PARP9: variants seen among roughly 807,000 people sequenced by gnomAD.
PARP9 encodes the protein poly(ADP-ribose) polymerase family member 9, also known as protein mono-ADP-ribosyltransferase PARP9.
A neutral mutation model predicts 68.8 loss-of-function variants in PARP9; 48 were observed. The observed-to-expected ratio is 0.70, with a 90% CI of 0.55 to 0.89. The LOEUF is 0.89. Ranked by LOEUF, PARP9 falls within the 40% of genes least tolerant of loss-of-function variation. The probability of loss-of-function intolerance (pLI) is 0.00; values close to 1 mark genes in which losing one functional copy is unlikely to be tolerated. For missense variants in PARP9, 806 were observed against 969.3 expected, an observed-to-expected ratio of 0.83 and a Z score of 2.24; for synonymous variants, 309 against 333.8, an observed-to-expected ratio of 0.93 and a Z score of 0.81.
intron 10 of PARP9, chr3:122,533,241 GCCTTAGGAAA>G (rs957853692): frequency 1.3e-4 from 20 of 152,334 alleles, no homozygotes; most frequent in African/African-American, 4.8e-4. Context: ...TAATGTTTCA[GCCTTAGGAAA>G]CCTGGTAGGT....
At chr3:122,537,731 AT>A (rs1355400381) in intron 8 of PARP9, among the ~76,000 whole-genome samples, 5 of 152,106 alleles carry the variant, frequency 3.3e-5, no homozygotes, top group Non-Finnish European at 7.4e-5. Context: ...AAATTTGGAG[AT>A]TAAGAGTCTA....
chr3:122,559,421 A>G, intron 2 of PARP9, among the ~76,000 whole-genome samples, 185 bp downstream of exon 2: 1 of 152,268 alleles, frequency 6.6e-6, no homozygotes. Context: ...GACACTATTT[A>G]TTAGATTAGC....
At chr3:122,531,740 C>G (rs1230050727) in intron 10 of PARP9, 1 of 151,694 alleles carries the variant, frequency 6.6e-6, no homozygotes, top group East Asian at 1.9e-4. Context: ...GCTTTTTGAA[C>G]CAAAAGCTAA....
intron 1 of PARP9, among the ~76,000 whole-genome samples, chr3:122,561,150 TC>T (rs1255364993): frequency 6.6e-6 from 1 of 152,134 alleles, no homozygotes; most frequent in African/African-American, 2.4e-5. Context: ...CCTGCCTCAT[TC>T]CCAGCACCCT....
At position 122,537,192 on chromosome 3, in the gene PARP9, C is replaced by T. The variant is rs982803157; in HGVS notation, c.1766-119G>A. On this transcript the variant is annotated intron_variant, in intron 8 of 10. Transcript: ENST00000682323. ...ATTAGCCAGTTTAAATTGTGTGCCT[C>T]ATGTGTTTAGGACATGCGAGGAGAG... The T allele has an allele frequency of 2.4e-5, 26 of 1,097,232 alleles. No homozygotes were observed. The African/African-American group carries it at 3.8e-4, about 16-fold the overall frequency. 68.0% of individuals were successfully genotyped at this position (1,097,232 alleles called of 1,614,324 possible).
chr3:122,530,237 A>G (rs1227097033), intron 10 of PARP9, among the ~76,000 whole-genome samples: 1 of 152,004 alleles, frequency 6.6e-6, no homozygotes, highest in Non-Finnish European at 1.5e-5. Flanking sequence ...AATGTGGAGT[A>G]TATAAAATGA....
rs376762636 is a variant in PARP9, at chr3:122,540,429, A to G, written c.1765+43T>C. ...CACGCTCACACCCAAAAGAAGAAAC[A>G]ATGGGGAGAATTTACTTTCTAATTT... On this transcript the variant is annotated intron_variant, in intron 8 of 10. Coordinates refer to ENST00000682323, the MANE Select transcript of PARP9 (RefSeq NM_001146105.2). 2.4e-4 allele frequency: 391 copies of G among 1,599,898 alleles called. 2 individuals carry two copies. The highest frequency in any genetic ancestry group is 3.3e-4 in the Non-Finnish European group (384 of 1,173,130).
At position 122,528,254 on chromosome 3, in the gene PARP9, T is replaced by C; in HGVS notation, c.*110A>G. 1.5e-6 allele frequency: 2 copies of C among 1,375,722 alleles called. No homozygotes were observed. The allele number at this position is 1,375,722 out of a possible 1,614,324, so 85.2% of individuals were successfully genotyped here. On this transcript the variant is annotated 3_prime_UTR_variant, in exon 11 of 11. Transcript: ENST00000682323. Reference sequence around the variant, plus strand: ...TCCTTTCAATAACCCAGTCAGTCCATACAGATAACCCATGGGATATATTCA... The same window carrying C: ...TCCTTTCAATAACCCAGTCAGTCCACACAGATAACCCATGGGATATATTCA...
At chr3:122,550,560 G>A (rs2079119053) in intron 6 of PARP9, 24 bp downstream of exon 6, 3 of 1,532,002 alleles carry the variant, frequency 2.0e-6, no homozygotes, top group Non-Finnish European at 1.8e-6. Flanking sequence ...TGAACAGTAG[G>A]ACATTTCTAA....
intron 1 of PARP9, among the ~76,000 whole-genome samples, chr3:122,560,856 A>G (rs1047319620): frequency 3.3e-5 from 5 of 152,196 alleles, no homozygotes; most frequent in Non-Finnish European, 7.3e-5. Flanking sequence ...GCTGTTTTCA[A>G]AAAAGAAGGA....
At chr3:122,538,276 A>G (rs564613765) in intron 8 of PARP9, among the ~76,000 whole-genome samples, 1 of 152,322 alleles carries the variant, frequency 6.6e-6, no homozygotes, top group East Asian at 1.9e-4. Flanking sequence ...CCTACATGTC[A>G]GGCACTGGGC....
upstream of PARP9, chr3:122,564,761 A>G: frequency 3.9e-6 from 4 of 1,030,944 alleles, no homozygotes; most frequent in South Asian, 5.3e-5. Context: ...CCCTACTGCC[A>G]AGAGACTCAC....
chr3:122,550,820 T>C lies in PARP9; in HGVS notation c.1108-18A>G, dbSNP rs775119333. On this transcript the variant is annotated intron_variant, in intron 5 of 10. Transcript: ENST00000682323. ...TTTAATATCTGCAGGAAAACACAAA[T>C]TTAAGATCAGCATTTGAGTCAAGAA... 6.3e-7 allele frequency: 1 copy of C among 1,597,898 alleles called. No homozygotes were observed. The highest frequency in any genetic ancestry group is 8.6e-7 in the Non-Finnish European group (1 of 1,166,828).
At chr3:122,537,163 A>C in intron 8 of PARP9, 90 bp from the exon 9 acceptor site, 1 of 1,362,598 alleles carries the variant, frequency 7.3e-7, no homozygotes, top group Non-Finnish European at 1.0e-6. Flanking sequence ...ATTTAGAGGA[A>C]GGGATTAGCC....
intron 7 of PARP9, among the ~76,000 whole-genome samples, chr3:122,544,374 A>C (rs1311804721): frequency 2.6e-5 from 4 of 152,208 alleles, no homozygotes; most frequent in Non-Finnish European, 5.9e-5. Flanking sequence ...TTACATACAT[A>C]ATCTATTATC....
At chr3:122,544,333 T>C (rs568729276) in intron 7 of PARP9, among the ~76,000 whole-genome samples, 1 of 152,362 alleles carries the variant, frequency 6.6e-6, no homozygotes, top group East Asian at 1.9e-4. Context: ...TGCCTGGCAT[T>C]TGTTTAATGC....
Position 122,536,223 on chromosome 3 carries a change from C to T in PARP9, c.2025G>A (p.Gln675=). 1 of 1,614,144 alleles carries T rather than the reference C, an allele frequency of 6.2e-7. No homozygotes were observed. The highest frequency in any genetic ancestry group is 8.5e-7 in the Non-Finnish European group (1 of 1,180,012). The change falls in exon 10 of 11, where the codon CAG becomes CAA. Residue 675 remains glutamine, a synonymous_variant. Transcript: ENST00000682323. ...SHRLFQQVPY[Q]FCNVVCRVGF... ...CAACTCTGCATACCACATTGCAGAA[C>T]TGGTATGGGACTTGCTGAAACAGCC...
At chr3:122,542,189 TTCC>T (rs1024733147) in intron 7 of PARP9, among the ~76,000 whole-genome samples, 59 of 151,508 alleles carry the variant, frequency 3.9e-4, no homozygotes, top group Middle Eastern at 3.4e-3. Flanking sequence ...CTTCTTCTTC[TTCC>T]TCTTCTTCCT....
intron 1 of PARP9, among the ~76,000 whole-genome samples, chr3:122,561,358 G>A (rs1269302407): frequency 6.6e-6 from 1 of 152,224 alleles, no homozygotes; most frequent in East Asian, 1.9e-4. Context: ...TACTTGGGAG[G>A]CTGAGATGGG....
Sources: allele counts gnomAD v4.1 joint callset (sites outside exome capture counted in the v4.1 genomes callset), GRCh38; gene constraint gnomAD v4.1.1; transcripts MANE v1.5; gene names NCBI Gene and HGNC (gene_info 2026-07-23, HGNC 2026-07-21).